Variants in EYS observed in about 807,000 individuals in gnomAD.
EYS encodes the protein EGF-like photoreceptor maintenance factor, also known as protein eyes shut homolog.
In EYS, 250 loss-of-function variants were observed where a neutral mutation model predicts 282.1. That is an observed-to-expected ratio of 0.89 (90% CI 0.80 to 0.98). The LOEUF (loss-of-function observed/expected upper bound fraction) is 0.98, where lower values mean the gene tolerates loss of function less well. Among genes scored for constraint, EYS ranks in the 50% least tolerant of loss-of-function variants. EYS has a pLI of 0.00. For synonymous variants in EYS, 1,355 were observed against 1,282.9 expected (o/e 1.06, Z -1.20); for missense variants, 4,016 against 3,709.0 (o/e 1.08, Z -2.15).
chr6:64,351,928 G>A (rs992298880), intron 29 of EYS, among the ~76,000 whole-genome samples: 3 of 151,532 alleles, frequency 2.0e-5, no homozygotes, highest in Non-Finnish European at 3.0e-5. Context: ...ATCAGGGAAC[G>A]AAATAATACA....
intron 11 of EYS, chr6:65,330,781 T>A: frequency 1.0e-6 from 1 of 962,944 alleles, no homozygotes; most frequent in Non-Finnish European, 1.2e-6. Flanking sequence ...TTTCTACATT[T>A]CTTTCATTTA....
At chr6:64,110,051 C>CT (rs1420376934) in intron 31 of EYS, among the ~76,000 whole-genome samples, 4 of 152,096 alleles carry the variant, frequency 2.6e-5, no homozygotes, top group African/African-American at 7.2e-5. Flanking sequence ...GGCTCCCTGT[C>CT]TTTTTTTCTA....
chr6:64,753,867 C>T (rs1477012322), intron 22 of EYS, among the ~76,000 whole-genome samples: 1 of 151,952 alleles, frequency 6.6e-6, no homozygotes, highest in Non-Finnish European at 1.5e-5. Context: ...CAAAACAAGT[C>T]TCAATGAATT....
chr6:64,177,875 G>T (rs1026992750), intron 31 of EYS, among the ~76,000 whole-genome samples: 2 of 152,016 alleles, frequency 1.3e-5, no homozygotes, highest in Admixed American at 1.3e-4. Context: ...CCCCTTTTGG[G>T]GGCGACATTA....
chr6:64,450,113 T>A (rs1423917273), intron 26 of EYS, among the ~76,000 whole-genome samples: 2 of 151,312 alleles, frequency 1.3e-5, no homozygotes, highest in Non-Finnish European at 2.9e-5. Flanking sequence ...AGGAAACCCA[T>A]CTCGCATGCA....
At chr6:63,774,086 T>G (rs1371085760) in intron 40 of EYS, among the ~76,000 whole-genome samples, 1 of 152,204 alleles carries the variant, frequency 6.6e-6, no homozygotes, top group Non-Finnish European at 1.5e-5. Flanking sequence ...AACCACATTC[T>G]TCCAACTCCT....
intron 12 of EYS, among the ~76,000 whole-genome samples, chr6:65,174,179 T>C (rs1179078369): frequency 6.6e-6 from 1 of 151,296 alleles, no homozygotes; most frequent in African/African-American, 2.4e-5. Context: ...CAGCTTATAA[T>C]GACCACTTTC....
At chr6:64,349,734 TTTG>T (rs1440511607) in intron 29 of EYS, among the ~76,000 whole-genome samples, 2 of 151,434 alleles carry the variant, frequency 1.3e-5, no homozygotes, top group Non-Finnish European at 3.0e-5. Flanking sequence ...CTGTCTGCAA[TTTG>T]TTAATGCCCT....
chr6:64,846,606 A>G (rs1049155682), intron 19 of EYS, among the ~76,000 whole-genome samples: 1 of 152,102 alleles, frequency 6.6e-6, no homozygotes, highest in African/African-American at 2.4e-5. Flanking sequence ...AAGACATACA[A>G]AGCCATTTCT....
chr6:65,580,491 G>A (rs996298628), intron 2 of EYS, among the ~76,000 whole-genome samples: 2 of 152,000 alleles, frequency 1.3e-5, no homozygotes, highest in South Asian at 2.1e-4. Flanking sequence ...ATAAATGTAA[G>A]AATTCTCTTT....
At chr6:65,164,926 AT>A (rs1764936607) in intron 12 of EYS, among the ~76,000 whole-genome samples, 1 of 151,208 alleles carries the variant, frequency 6.6e-6, no homozygotes, top group African/African-American at 2.4e-5. Context: ...ACTCATTTCA[AT>A]TAGGGGCCAC....
At chr6:64,863,485 T>A (rs560253504) in intron 19 of EYS, among the ~76,000 whole-genome samples, 7 of 152,338 alleles carry the variant, frequency 4.6e-5, no homozygotes, top group African/African-American at 1.4e-4. Context: ...TTTAAAAAAA[T>A]TTATGCTGAA....
chr6:65,578,846 T>G (rs973404235), intron 2 of EYS, among the ~76,000 whole-genome samples: 1 of 152,090 alleles, frequency 6.6e-6, no homozygotes, highest in African/African-American at 2.4e-5. Context: ...AATTTATTAA[T>G]CCTTTTATAA....
At chr6:64,457,948 T>C (rs998649526) in intron 26 of EYS, among the ~76,000 whole-genome samples, 2 of 151,994 alleles carry the variant, frequency 1.3e-5, no homozygotes, top group African/African-American at 2.4e-5. Context: ...TGTGTGTATC[T>C]ATAGGATTTT....
At chr6:65,095,612 G>T (rs576317911) in intron 12 of EYS, among the ~76,000 whole-genome samples, 5 of 151,212 alleles carry the variant, frequency 3.3e-5, no homozygotes, top group African/African-American at 1.2e-4. Flanking sequence ...GAAGAGCCCA[G>T]TACCAGATAG....
chr6:65,358,898 A>C (rs1348827625), intron 8 of EYS, among the ~76,000 whole-genome samples: 7 of 151,988 alleles, frequency 4.6e-5, no homozygotes, highest in Non-Finnish European at 8.8e-5. Flanking sequence ...TTGACAGCCC[A>C]CTCGATGTAT....
chr6:64,263,225 T>C (rs1378643318), intron 30 of EYS, among the ~76,000 whole-genome samples: 6 of 152,114 alleles, frequency 3.9e-5, no homozygotes, highest in Admixed American at 3.9e-4. Flanking sequence ...TATTTCTTTT[T>C]CCTCTTTATT....
rs1192589926 is a variant in EYS at position 63,864,324 on chromosome 6, G to A, written c.7090C>T (p.Leu2364=). The part of the protein sequence containing the change: ...NENLFCECPR[L]YSGKLCQFAS... ...AACTGGCACAGCTTGCCTGAATACA[G>A]CCTTGGACACTCACAAAACAGATTT... The change falls in exon 36 of 43, where the codon CTG becomes TTG. Residue 2364 remains leucine (L), a synonymous_variant. Coordinates refer to ENST00000503581, the MANE Select transcript of EYS (RefSeq NM_001142800.2). 3 of 1,551,496 alleles carry A rather than the reference G, an allele frequency of 1.9e-6. No individual in the cohort carries two copies. The highest frequency in any genetic ancestry group is 2.4e-5 in the East Asian group (1 of 40,904).
At chr6:65,147,801 G>T (rs762878332) in intron 12 of EYS, among the ~76,000 whole-genome samples, 1 of 152,028 alleles carries the variant, frequency 6.6e-6, no homozygotes, top group African/African-American at 2.4e-5. Context: ...CCACAGTTCC[G>T]CATGACTGGG....
Sources: gnomAD v4.1 joint callset for allele counts (sites outside exome capture counted in the v4.1 genomes callset) on GRCh38, gnomAD v4.1.1 for gene constraint, MANE v1.5 for transcripts, NCBI Gene and HGNC (gene_info 2026-07-23, HGNC 2026-07-21) for gene names.